The following CDYL2 variants were observed in gnomAD, a reference collection of about 807,000 sequenced individuals.
CDYL2 encodes the protein chromodomain Y-like protein 2.
Under a neutral mutation model 49.4 loss-of-function variants are expected in CDYL2, and 23 were observed. The observed-to-expected ratio is 0.47, with a 90% confidence interval of 0.34 to 0.66. The LOEUF is 0.66. Among genes scored for constraint, CDYL2 ranks in the 30% least tolerant of loss-of-function variants. The pLI, the probability that CDYL2 is intolerant of heterozygous loss-of-function variation, is 0.01. For missense variants in CDYL2, 678 were observed against 656.4 expected (o/e 1.03, Z -0.36); for synonymous variants, 360 against 268.8 (o/e 1.34, Z -3.32).
In CDYL2 at chr16:80,620,840, G is replaced by C; in HGVS notation, c.930C>G (p.Gly310=). 6.2e-7 allele frequency: 1 copy of C among 1,613,666 alleles called. No homozygotes were observed. Among genetic ancestry groups the C allele is most frequent in the Non-Finnish European group, 8.5e-7 (1 of 1,179,636 alleles). ...GGCCAATTAGGTAGGAATAATCCAG[G>C]CCGCTGCAGAACACGCTCCCCACTG... ...LSAVGSVFCS[G]LDYSYLIGRL... is the part of the protein sequence containing the mutation. The change falls in exon 4 of 7, where the codon GGC becomes GGG. Residue 310 remains glycine (G), a synonymous_variant. Coordinates refer to ENST00000570137, the MANE Select transcript of CDYL2 (RefSeq NM_152342.4).
intron 5 of CDYL2, among the ~76,000 whole-genome samples, chr16:80,611,298 G>C (rs1361471038): frequency 6.6e-6 from 1 of 152,178 alleles, no homozygotes; most frequent in Non-Finnish European, 1.5e-5. Flanking sequence ...AGGAAAAAGG[G>C]AGCTGACTGG....
intron 4 of CDYL2, among the ~76,000 whole-genome samples, chr16:80,613,050 A>G (rs1597123081): frequency 6.6e-6 from 1 of 151,994 alleles, no homozygotes; most frequent in South Asian, 2.1e-4. Context: ...GTTTGCTCAG[A>G]TTGCCCCAGT....
chr16:80,658,690 GCT>G (rs1908911910), intron 2 of CDYL2, among the ~76,000 whole-genome samples: 1 of 152,134 alleles, frequency 6.6e-6, no homozygotes, highest in South Asian at 2.1e-4. Context: ...ATATTTCCTA[GCT>G]CTGTCAGCTG....
At position 80,613,772 on chromosome 16, in the gene CDYL2, G is replaced by A. The variant is rs939315957; in HGVS notation, c.1008-936C>T. On this transcript the variant is annotated intron_variant, in intron 4 of 6. Transcript: ENST00000570137. ...TGGACATGGAGGAAAGACACAAGAT[G>A]TCTAGTAAAGTCTGCATCCTTCGTT... Among the ~76,000 whole-genome samples the A allele has an allele frequency of 2.0e-5, 3 of 152,208 alleles. No individual in the cohort carries two copies. In the East Asian group the frequency reaches 5.8e-4, roughly 29 times the overall value.
At chr16:80,780,229 A>G (rs1400646973) in intron 1 of CDYL2, among the ~76,000 whole-genome samples, 1 of 152,080 alleles carries the variant, frequency 6.6e-6, no homozygotes, top group Non-Finnish European at 1.5e-5. Flanking sequence ...TAAAAATTCT[A>G]AAATGCATTT....
At chr16:80,627,179 T>G (rs1220581695) in intron 3 of CDYL2, among the ~76,000 whole-genome samples, 1 of 152,226 alleles carries the variant, frequency 6.6e-6, no homozygotes, top group Non-Finnish European at 1.5e-5. Context: ...GATATTCATT[T>G]TGAACATCAA....
chr16:80,673,040 G>A (rs1044486843), intron 2 of CDYL2, among the ~76,000 whole-genome samples: 13 of 152,170 alleles, frequency 8.5e-5, no homozygotes, highest in African/African-American at 2.4e-4. Flanking sequence ...AAGGGAGGCC[G>A]GGCGTGGTGG....
At chr16:80,634,103 G>C (rs1027139052) in intron 2 of CDYL2, among the ~76,000 whole-genome samples, 1 of 151,718 alleles carries the variant, frequency 6.6e-6, no homozygotes, top group African/African-American at 2.4e-5. Flanking sequence ...GGGAAAGAGA[G>C]AGGGAAGGAA....
intron 1 of CDYL2, among the ~76,000 whole-genome samples, chr16:80,752,851 G>A (rs564859030): frequency 7.8e-4 from 119 of 152,324 alleles, no homozygotes; most frequent in African/African-American, 2.7e-3. Flanking sequence ...TCAACTCTCA[G>A]AAGCTAGTGC....
chr16:80,802,031 T>C (rs1907941391), intron 1 of CDYL2, among the ~76,000 whole-genome samples: 1 of 138,970 alleles, frequency 7.2e-6, no homozygotes, highest in Non-Finnish European at 1.5e-5. Context: ...ATTATTATTA[T>C]TGTCCTCCTT....
intron 1 of CDYL2, among the ~76,000 whole-genome samples, chr16:80,793,522 G>T (rs1017435723): frequency 6.6e-6 from 1 of 152,182 alleles, no homozygotes; most frequent in African/African-American, 2.4e-5. Context: ...GGCTAAGGTG[G>T]CCTGGAAGCA....
At chr16:80,728,241 G>A (rs1041075060) in intron 1 of CDYL2, among the ~76,000 whole-genome samples, 40 of 152,136 alleles carry the variant, frequency 2.6e-4, no homozygotes, top group Admixed American at 7.2e-4. Flanking sequence ...CCAATACAGA[G>A]AAGTGCTTAA....
chr16:80,761,634 A>G (rs1037442549), intron 1 of CDYL2, among the ~76,000 whole-genome samples: 10 of 152,188 alleles, frequency 6.6e-5, no homozygotes, highest in African/African-American at 1.2e-4. Context: ...GAGAGAGGCC[A>G]GGAAGACCAG....
chr16:80,658,841 A>G (rs373143750), intron 2 of CDYL2, among the ~76,000 whole-genome samples: 1 of 152,112 alleles, frequency 6.6e-6, no homozygotes, highest in East Asian at 1.9e-4. Context: ...CAGGTAAGGT[A>G]TACTTTGGGC....
chr16:80,630,399 T>C (rs796066811), intron 3 of CDYL2, among the ~76,000 whole-genome samples: 1 of 152,212 alleles, frequency 6.6e-6, no homozygotes. Context: ...AGACTTCACA[T>C]GTGTTCAATT....
intron 6 of CDYL2, among the ~76,000 whole-genome samples, chr16:80,606,801 CAA>C (rs1906356353): frequency 6.6e-6 from 1 of 152,118 alleles, no homozygotes; most frequent in African/African-American, 2.4e-5. Flanking sequence ...GAAGAAGTCT[CAA>C]GAGATCTGAT....
chr16:80,632,944 G>A (rs1907632969), intron 3 of CDYL2, 75 bp downstream of exon 3: 1 of 1,431,890 alleles, frequency 7.0e-7, no homozygotes. Flanking sequence ...GAAGGAAGGA[G>A]AAAGCCAATA....
chr16:80,782,769 A>C (rs3098598), intron 1 of CDYL2, among the ~76,000 whole-genome samples: 42,041 of 151,946 alleles, frequency 0.28, 6,704 homozygotes, highest in East Asian at 0.64. Context: ...CAATTGACAG[A>C]GAAAAGGCAT....
Position 80,672,334 on chromosome 16 carries a change from C to T in CDYL2, c.616+12204G>A, listed in dbSNP as rs192313872. 2.7e-3 allele frequency among the ~76,000 whole-genome samples: 310 copies of T among 116,374 alleles called. 2 individuals carry two copies. Among genetic ancestry groups the T allele is most frequent in the African/African-American group, 7.8e-3 (295 of 37,946 alleles). 76.3% of individuals were successfully genotyped at this position (116,374 alleles called of 152,430 possible). On this transcript the variant is annotated intron_variant, in intron 2 of 6. Transcript: ENST00000570137. Reference sequence around the variant, plus strand: ...ACAAAATGTTACACACACACACACACACACACACACACACACACAGAGAGA... The same window carrying T: ...ACAAAATGTTACACACACACACACATACACACACACACACACACAGAGAGA...
Sources: gnomAD v4.1 joint callset for allele counts (sites outside exome capture counted in the v4.1 genomes callset) on GRCh38, gnomAD v4.1.1 for gene constraint, MANE v1.5 for transcripts, NCBI Gene and HGNC (gene_info 2026-07-23, HGNC 2026-07-21) for gene names.